PTPRB: variants seen among roughly 807,000 people sequenced by gnomAD.
The protein encoded by PTPRB is protein tyrosine phosphatase receptor type B, also known as receptor-type tyrosine-protein phosphatase beta.
PTPRB carries 97 observed loss-of-function variants against 238.1 expected under a neutral mutation model. That is an observed-to-expected ratio of 0.41 (90% CI 0.35 to 0.48). The LOEUF (loss-of-function observed/expected upper bound fraction) is 0.48. Among genes scored for constraint, PTPRB ranks in the 20% least tolerant of loss-of-function variants. PTPRB has a pLI of 0.30. For missense variants in PTPRB, 2,292 were observed against 2,681.9 expected (o/e 0.85, Z 3.21); for synonymous variants, 970 against 995.4 (o/e 0.97, Z 0.48).
chr12:70,586,151 G>A (rs1181421128), intron 9 of PTPRB, among the ~76,000 whole-genome samples: 1 of 152,058 alleles, frequency 6.6e-6, no homozygotes. Flanking sequence ...ATAATCTTTT[G>A]GGTATATACC....
chr12:70,581,273 C>A lies in PTPRB; in HGVS notation c.2341G>T (p.Ala781Ser). The change falls in exon 10 of 34, where the codon GCC (alanine) becomes TCC (serine). Residue 781 changes from alanine to serine, a missense_variant. By Grantham distance (99) the Ala-to-Ser change is moderately conservative (BLOSUM62 1). This residue lies in a region of PTPRB where 1,205 missense variants were observed against 1,287.8 expected (regional missense o/e 0.94). Transcript: ENST00000334414. ...AGACTACTGGTCATTCCTTGGTTGG[C>A]CACATGCAAGTCAGTCACTTGGGCA... ...VPAQVTDLHV[A>S]NQGMTSSLFT... 2 of 1,613,562 alleles carry A rather than the reference C, an allele frequency of 1.2e-6. No individual in the cohort carries two copies. The highest frequency in any genetic ancestry group is 1.7e-6 in the Non-Finnish European group (2 of 1,179,668).
rs1386294860 is a variant in PTPRB at position 70,521,347 on chromosome 12, A to C, written c.*142T>G. ...AATATCTGTTACCTTTAAATTATAT[A>C]AAATTTTAAACATTCTCCAGATTAA... is the stretch of plus-strand genomic sequence containing the variant. On this transcript the variant is annotated 3_prime_UTR_variant, in exon 34 of 34. Transcript: ENST00000334414. 1.1e-5 allele frequency: 6 copies of C among 534,510 alleles called. No individual in the cohort carries two copies. The East Asian group carries it at 1.9e-4, about 17-fold the overall frequency. The allele number at this position is 534,510 out of a possible 1,614,324, so 33.1% of individuals were successfully genotyped here.
At chr12:70,524,741 T>C in intron 32 of PTPRB, 150 bp from the exon 33 acceptor site, 1 of 846,540 alleles carries the variant, frequency 1.2e-6, no homozygotes, top group Non-Finnish European at 1.7e-6. Flanking sequence ...AATAAAAGAG[T>C]GACTGTCTTT....
chr12:70,607,214 A>C (rs1423449558), intron 4 of PTPRB, among the ~76,000 whole-genome samples: 3 of 152,230 alleles, frequency 2.0e-5, no homozygotes, highest in African/African-American at 7.2e-5. Flanking sequence ...TGGTTTAAAC[A>C]ACCATATTCT....
intron 18 of PTPRB, 79 bp from the exon 19 acceptor site, chr12:70,556,227 C>T (rs1008718508): frequency 1.6e-6 from 2 of 1,286,284 alleles, no homozygotes; most frequent in African/African-American, 3.0e-5. Context: ...GTCCAACTAG[C>T]TCTGAGATCT....
chr12:70,572,493 C>A (rs1167790780), intron 11 of PTPRB, among the ~76,000 whole-genome samples: 1 of 151,754 alleles, frequency 6.6e-6, no homozygotes, highest in Admixed American at 6.6e-5. Flanking sequence ...TGAGGCTATG[C>A]ATGGTGGCTC....
intron 2 of PTPRB, among the ~76,000 whole-genome samples, chr12:70,633,506 G>A (rs1885546255): frequency 6.6e-6 from 1 of 152,040 alleles, no homozygotes; most frequent in Non-Finnish European, 1.5e-5. Flanking sequence ...TATTTAAGAT[G>A]GAGCAGAAAA....
intron 8 of PTPRB, among the ~76,000 whole-genome samples, chr12:70,587,872 G>A (rs1165725967): frequency 5.3e-5 from 8 of 151,842 alleles, no homozygotes; most frequent in Admixed American, 3.3e-4. Context: ...AGGCCGAGGC[G>A]GGTGGATCAC....
intron 1 of PTPRB, 124 bp downstream of exon 1, chr12:70,637,217 G>A (rs1305545861): frequency 5.1e-6 from 4 of 790,778 alleles, no homozygotes; most frequent in East Asian, 2.7e-5. Flanking sequence ...GCTTTTCATC[G>A]TCTTTGGCTA....
At chr12:70,553,967 T>C (rs1877278220) in intron 20 of PTPRB, among the ~76,000 whole-genome samples, 1 of 152,222 alleles carries the variant, frequency 6.6e-6, no homozygotes, top group Admixed American at 6.5e-5. Flanking sequence ...ACAAGGCTAC[T>C]TTCTGGGGTG....
Position 70,539,661 on chromosome 12 carries a change from C to T in PTPRB, c.5742G>A (p.Gln1914=), listed in dbSNP as rs1242631403. 6.3e-7 allele frequency: 1 copy of T among 1,586,242 alleles called. No individual in the cohort carries two copies. Among genetic ancestry groups the T allele is most frequent in the Non-Finnish European group, 8.6e-7 (1 of 1,163,528 alleles). Residue 1914 remains glutamine, a synonymous_variant, in exon 26 of 34, where the codon CAG becomes CAA. Coordinates refer to ENST00000334414, the MANE Select transcript of PTPRB (RefSeq NM_001109754.4). ...NQFEGHFMKL[Q]ADSNYLLSKE... ...TGGATAGAAGGTAGTTGGAGTCAGC[C>T]TGTAGCTTCATGAAATGCCCTTCAA... is the stretch of plus-strand genomic sequence containing the variant.
chr12:70,561,339 C>T (rs917944037), intron 16 of PTPRB, among the ~76,000 whole-genome samples: 1 of 152,140 alleles, frequency 6.6e-6, no homozygotes, highest in Non-Finnish European at 1.5e-5. Context: ...ATCCTCTGTA[C>T]CCTCCTTTAG....
intron 5 of PTPRB, among the ~76,000 whole-genome samples, chr12:70,595,041 A>G (rs1882867108): frequency 6.6e-6 from 1 of 152,202 alleles, no homozygotes; most frequent in African/African-American, 2.4e-5. Flanking sequence ...GAACTATAGA[A>G]GATGAAAAAT....
Position 70,516,772 on chromosome 12 carries a change from A to G in PTPRB, c.*4717T>C, listed in dbSNP as rs142969292. ...TTATTTTGGTGTCTTATATAAGATC[A>G]TGTGAATTGGCATAGAGGTTATAAA... On this transcript the variant is annotated 3_prime_UTR_variant, in exon 34 of 34. Transcript: ENST00000334414. The G allele has an allele frequency of 1.4e-3, 211 of 152,350 alleles. 1 individual carries two copies. The highest frequency in any genetic ancestry group is 4.7e-3 in the African/African-American group (197 of 41,580). 9.4% of individuals were successfully genotyped at this position (152,350 alleles called of 1,614,324 possible).
chr12:70,538,163 A>C lies in PTPRB; in HGVS notation c.5938T>G (p.Tyr1980Asp), dbSNP rs1252386055. ...DPCSDYINAS[Y>D]IPGNNFRREY... is the part of the protein sequence containing the mutation. ...CCTAGTGGGTCACTTACAGGGATGT[A>C]GCTGGCATTGATGTAGTCAGAGCAA... Residue 1980 changes from tyrosine (Y) to aspartate (D), a missense_variant, in exon 28 of 34, where the codon TAC becomes GAC. Coordinates refer to ENST00000334414, the MANE Select transcript of PTPRB (RefSeq NM_001109754.4). 6.2e-7 allele frequency: 1 copy of C among 1,613,322 alleles called. No individual in the cohort carries two copies. The highest frequency in any genetic ancestry group is 1.3e-5 in the African/African-American group (1 of 74,922).
intron 16 of PTPRB, among the ~76,000 whole-genome samples, chr12:70,561,619 C>T (rs542323330): frequency 2.0e-5 from 3 of 152,264 alleles, no homozygotes; most frequent in South Asian, 2.1e-4. Flanking sequence ...TGAAGCTTAT[C>T]GCTGCTCTTT....
At chr12:70,603,171 G>C (rs1048733717) in intron 4 of PTPRB, among the ~76,000 whole-genome samples, 3 of 152,176 alleles carry the variant, frequency 2.0e-5, no homozygotes, top group Middle Eastern at 3.4e-3. Flanking sequence ...CATAAAGGAA[G>C]ACCAATTTCA....
chr12:70,571,089 T>G lies in PTPRB; in HGVS notation c.3307A>C (p.Lys1103Gln), dbSNP rs1159349698. The G allele has an allele frequency of 6.2e-7, 1 of 1,613,914 alleles. No homozygotes were observed. Among genetic ancestry groups the G allele is most frequent in the Non-Finnish European group, 8.5e-7 (1 of 1,179,906 alleles). The change falls in exon 13 of 34, where the codon AAA (lysine) becomes CAA (glutamine). Residue 1103 changes from lysine to glutamine, a missense_variant. Lys to Gln is a moderately conservative substitution (Grantham distance 53). Transcript: ENST00000334414. ...CCGCTAATCGTCAAGACAAGAATTT[T>G]GTATTGGCGGCCTGGTGTTAGGGAA... Reference protein sequence around the residue: ...FTSLTPGRQYKILVLTISGDV... With the variant: ...FTSLTPGRQYQILVLTISGDV...
rs780503587 is a variant in PTPRB, at chr12:70,540,852, A to G, written c.5594+6T>C. ...GTCCAATCACCAAAAGGATCTTTGT[A>G]CTTACCTCACTTTCTGTCTGCAGAT... is the stretch of plus-strand genomic sequence containing the variant. On this transcript the variant is annotated splice_donor_region_variant and intron_variant, in intron 23 of 33. Coordinates refer to ENST00000334414, the MANE Select transcript of PTPRB (RefSeq NM_001109754.4). 1 of 1,588,726 alleles carries G rather than the reference A, an allele frequency of 6.3e-7. No homozygotes were observed.
Sources: allele counts gnomAD v4.1 joint callset (sites outside exome capture counted in the v4.1 genomes callset), GRCh38; gene constraint gnomAD v4.1.1; regional missense constraint gnomAD v4.1.1; transcripts MANE v1.5; gene names NCBI Gene and HGNC (gene_info 2026-07-23, HGNC 2026-07-21).